MGAT4C: variants seen among roughly 807,000 people sequenced by gnomAD.
The protein encoded by MGAT4C is alpha-1,3-mannosyl-glycoprotein 4-beta-N-acetylglucosaminyltransferase C.
In MGAT4C, 19 loss-of-function variants were observed where a neutral mutation model predicts 40.1. The observed-to-expected ratio is 0.47, with a 90% confidence interval of 0.33 to 0.70. The LOEUF (loss-of-function observed/expected upper bound fraction) is 0.70, where lower values mean the gene tolerates loss of function less well. MGAT4C is among the 30% of genes least tolerant of loss of function. The probability of loss-of-function intolerance (pLI) is 0.02; values close to 1 mark genes in which losing one functional copy is unlikely to be tolerated. For missense variants in MGAT4C, 491 were observed against 563.2 expected (o/e 0.87, Z 1.30); for synonymous variants, 181 against 187.1 (o/e 0.97, Z 0.27).
chr12:86,192,924 A>G (rs1211143386), intron 1 of MGAT4C, among the ~76,000 whole-genome samples: 4 of 152,078 alleles, frequency 2.6e-5, no homozygotes, highest in Admixed American at 2.6e-4. Context: ...GCATTATGAA[A>G]TGTGTCATCA....
chr12:86,765,210 G>T (rs1299399800), intron 1 of MGAT4C, among the ~76,000 whole-genome samples: 1 of 152,188 alleles, frequency 6.6e-6, no homozygotes. Flanking sequence ...CGAGAACTAC[G>T]TGAAGAATGC....
intron 1 of MGAT4C, among the ~76,000 whole-genome samples, chr12:86,813,973 C>T (rs960358239): frequency 8.6e-5 from 13 of 151,828 alleles, no homozygotes; most frequent in Admixed American, 2.6e-4. Context: ...TGCAGTGGCA[C>T]GATATTGGCT....
At chr12:86,281,603 C>T (rs1017220913) in intron 4 of MGAT4C, among the ~76,000 whole-genome samples, 5 of 152,072 alleles carry the variant, frequency 3.3e-5, no homozygotes, top group Non-Finnish European at 7.4e-5. Context: ...AAGCTGGTCT[C>T]GAACTCATGG....
intron 2 of MGAT4C, among the ~76,000 whole-genome samples, chr12:86,686,999 T>A (rs778495669): frequency 1.8e-4 from 28 of 152,312 alleles, no homozygotes; most frequent in South Asian, 1.2e-3. Flanking sequence ...GGTAGGCTAT[T>A]AATTACTGCC....
At chr12:86,517,706 C>A (rs1958719773) in intron 2 of MGAT4C, among the ~76,000 whole-genome samples, 1 of 152,126 alleles carries the variant, frequency 6.6e-6, no homozygotes, top group East Asian at 1.9e-4. Context: ...AATGCAGTGG[C>A]GTGATCTCGG....
intron 1 of MGAT4C, among the ~76,000 whole-genome samples, chr12:86,129,189 C>G (rs1420624548): frequency 6.9e-6 from 1 of 143,994 alleles, no homozygotes; most frequent in Non-Finnish European, 1.5e-5. Context: ...GACTGAGCCC[C>G]GAACAAAGAG....
intron 3 of MGAT4C, among the ~76,000 whole-genome samples, chr12:85,985,478 T>C (rs180776441): frequency 7.8e-4 from 119 of 152,300 alleles, no homozygotes; most frequent in African/African-American, 2.7e-3. Flanking sequence ...AAATCCAAAT[T>C]TGGTCTTTAA....
chr12:86,494,773 T>C (rs372921200), intron 2 of MGAT4C, among the ~76,000 whole-genome samples: 11 of 151,646 alleles, frequency 7.3e-5, no homozygotes, highest in African/African-American at 2.7e-4. Context: ...AATAGAGAAA[T>C]AGAGGAAATA....
chr12:85,995,798 G>T (rs1260480330), intron 2 of MGAT4C, among the ~76,000 whole-genome samples: 1 of 152,126 alleles, frequency 6.6e-6, no homozygotes, highest in Non-Finnish European at 1.5e-5. Flanking sequence ...AGCCTGGGAG[G>T]TCAAGCCTGC....
chr12:86,800,583 G>A (rs149073652), intron 1 of MGAT4C, among the ~76,000 whole-genome samples: 1,890 of 151,966 alleles, frequency 0.012, 23 homozygotes, highest in Middle Eastern at 0.027. Flanking sequence ...AGGTATCAGA[G>A]GGAGTAAACC....
intron 1 of MGAT4C, among the ~76,000 whole-genome samples, chr12:86,093,558 G>C (rs1389961172): frequency 6.6e-6 from 1 of 151,950 alleles, no homozygotes; most frequent in Non-Finnish European, 1.5e-5. Context: ...GTGAAACCCT[G>C]TCTCTACCAA....
At chr12:86,217,338 G>C (rs1028632799) in intron 1 of MGAT4C, among the ~76,000 whole-genome samples, 1 of 152,028 alleles carries the variant, frequency 6.6e-6, no homozygotes, top group East Asian at 1.9e-4. Context: ...CTACTGCCCG[G>C]GTAATTTTTG....
chr12:86,165,250 A>C (rs2135812463), intron 1 of MGAT4C, among the ~76,000 whole-genome samples: 1 of 152,282 alleles, frequency 6.6e-6, no homozygotes, highest in East Asian at 1.9e-4. Context: ...TAATGTAGAT[A>C]TAAATAATGC....
chr12:86,465,211 T>C (rs763805899), intron 2 of MGAT4C, among the ~76,000 whole-genome samples: 2 of 152,046 alleles, frequency 1.3e-5, no homozygotes, highest in Admixed American at 1.3e-4. Flanking sequence ...CCATATACCC[T>C]TCACAAAATT....
intron 1 of MGAT4C, among the ~76,000 whole-genome samples, chr12:86,158,559 AC>A (rs1423225957): frequency 6.6e-6 from 1 of 152,122 alleles, no homozygotes; most frequent in African/African-American, 2.4e-5. Flanking sequence ...AATCAACAAC[AC>A]AGAACCAGAT....
chr12:86,760,859 G>A (rs1463382322), intron 1 of MGAT4C, among the ~76,000 whole-genome samples: 1 of 152,142 alleles, frequency 6.6e-6, no homozygotes, highest in African/African-American at 2.4e-5. Flanking sequence ...TGTATGTGGT[G>A]TATAATTCCA....
At chr12:86,053,090 G>A (rs1277819587) in intron 1 of MGAT4C, among the ~76,000 whole-genome samples, 1 of 151,784 alleles carries the variant, frequency 6.6e-6, no homozygotes, top group Non-Finnish European at 1.5e-5. Context: ...TCAATTCCTT[G>A]CCAATATACC....
chr12:86,622,393 G>A (rs1962666325), intron 2 of MGAT4C, among the ~76,000 whole-genome samples: 1 of 152,066 alleles, frequency 6.6e-6, no homozygotes, highest in Non-Finnish European at 1.5e-5. Flanking sequence ...TCTATTTGAG[G>A]AAACTACACT....
intron 1 of MGAT4C, among the ~76,000 whole-genome samples, chr12:86,739,635 G>A (rs1348771477): frequency 6.6e-6 from 1 of 150,798 alleles, no homozygotes; most frequent in African/African-American, 2.4e-5. Context: ...CATTTACATT[G>A]AATTAGATAT....
Sources: gnomAD v4.1 joint callset for allele counts (sites outside exome capture counted in the v4.1 genomes callset) on GRCh38, gnomAD v4.1.1 for gene constraint, MANE v1.5 for transcripts, NCBI Gene and HGNC (gene_info 2026-07-23, HGNC 2026-07-21) for gene names.